VSTM5: variants seen among roughly 807,000 people sequenced by gnomAD.
VSTM5 encodes the protein V-set and transmembrane domain containing 5.
In VSTM5, 21 loss-of-function variants were observed where a neutral mutation model predicts 20.3. The observed-to-expected ratio is 1.03, with a 90% confidence interval of 0.73 to 1.49. The LOEUF (loss-of-function observed/expected upper bound fraction) is 1.49, where lower values mean the gene tolerates loss of function less well. VSTM5 is among the 40% of genes most tolerant of loss of function. VSTM5 has a pLI of 0.00. For missense variants in VSTM5, 219 were observed against 250.0 expected (o/e 0.88, Z 0.84); for synonymous variants, 100 against 102.5 (o/e 0.98, Z 0.14).
intron 1 of VSTM5, among the ~76,000 whole-genome samples, chr11:93,843,935 G>A (rs1944391753): frequency 6.6e-6 from 1 of 151,998 alleles, no homozygotes; most frequent in Non-Finnish European, 1.5e-5. Context: ...TCAGGTTCCT[G>A]CTCACTCTTC....
intron 1 of VSTM5, among the ~76,000 whole-genome samples, chr11:93,839,689 T>C (rs1380829327): frequency 2.0e-5 from 3 of 152,160 alleles, no homozygotes; most frequent in Admixed American, 6.5e-5. Flanking sequence ...CAGGTAAGGA[T>C]GGAATCTAGG....
chr11:93,836,579 TC>T (rs1944324881), intron 1 of VSTM5, among the ~76,000 whole-genome samples: 1 of 152,266 alleles, frequency 6.6e-6, no homozygotes, highest in African/African-American at 2.4e-5. Flanking sequence ...CTGTTAACCT[TC>T]ATTCATCCTT....
At chr11:93,827,677 T>C (rs1944249994) in intron 1 of VSTM5, 1 of 151,320 alleles carries the variant, frequency 6.6e-6, no homozygotes, top group African/African-American at 2.4e-5. Flanking sequence ...CAGTTACAGA[T>C]GAAACCCCTT....
chr11:93,849,798 C>T (rs986487877), intron 1 of VSTM5, among the ~76,000 whole-genome samples: 2 of 152,184 alleles, frequency 1.3e-5, no homozygotes, highest in African/African-American at 2.4e-5. Context: ...ATTCCGGGTC[C>T]GGCCATCCAA....
intron 1 of VSTM5, among the ~76,000 whole-genome samples, chr11:93,847,016 C>T (rs77063546): frequency 0.011 from 1,648 of 152,184 alleles, 17 homozygotes; most frequent in East Asian, 0.041. Context: ...CCGCCCGGCT[C>T]GGCCTCCCAA....
rs570042787 is a variant in VSTM5 at position 93,840,197 on chromosome 11, A to G, written c.91+10215T>C. On this transcript the variant is annotated intron_variant, in intron 1 of 3. Coordinates refer to ENST00000409977, the MANE Select transcript of VSTM5 (RefSeq NM_001144871.2). ...CCTTCTGTGGCTTTTATTTCCAGAA[A>G]TAATTGTCCTCAGTTTTCTGATTGA... 3.3e-5 allele frequency among the ~76,000 whole-genome samples: 5 copies of G among 152,362 alleles called. No individual in the cohort carries two copies. The South Asian group carries it at 8.3e-4, about 25-fold the overall frequency.
intron 1 of VSTM5, among the ~76,000 whole-genome samples, chr11:93,838,561 G>C (rs1449915822): frequency 6.6e-6 from 1 of 151,758 alleles, no homozygotes; most frequent in East Asian, 1.9e-4. Context: ...GGAGGCCGAG[G>C]TGGGCAGATC....
At position 93,820,828 on chromosome 11, in the gene VSTM5, A is replaced by G. The variant is rs1373196852; in HGVS notation, c.474T>C (p.Ala158=). Residue 158 remains alanine (A), a synonymous_variant, in exon 3 of 4, where the codon GCT becomes GCC. Transcript: ENST00000409977. Reference sequence around the variant, plus strand: ...TGAGGCTGATTAATACTGCGGCCACAGCAGCGAGAAAAGCAAGGATGACAG... The same window carrying G: ...TGAGGCTGATTAATACTGCGGCCACGGCAGCGAGAAAAGCAAGGATGACAG... ...FVAVILAFLA[A]VAAVLISLMW... is the part of the protein sequence containing the mutation. 2 of 1,551,052 alleles carry G rather than the reference A, an allele frequency of 1.3e-6. No homozygotes were observed. Among genetic ancestry groups the G allele is most frequent in the East Asian group, 4.9e-5 (2 of 40,916 alleles).
At chr11:93,841,697 C>T (rs1446406900) in intron 1 of VSTM5, among the ~76,000 whole-genome samples, 1 of 152,224 alleles carries the variant, frequency 6.6e-6, no homozygotes, top group East Asian at 1.9e-4. Flanking sequence ...CTCAGGGTCC[C>T]AGGAGGCCAG....
chr11:93,829,759 C>T (rs180803150), intron 1 of VSTM5, among the ~76,000 whole-genome samples: 68 of 152,262 alleles, frequency 4.5e-4, no homozygotes, highest in African/African-American at 1.5e-3. Flanking sequence ...CACTCTTGTT[C>T]CTGAGCTCAG....
At chr11:93,841,224 C>T (rs947035583) in intron 1 of VSTM5, among the ~76,000 whole-genome samples, 2 of 136,410 alleles carry the variant, frequency 1.5e-5, no homozygotes, top group Non-Finnish European at 3.2e-5. Flanking sequence ...ATCCTTCATC[C>T]AGGTAAGGGG....
Position 93,822,263 on chromosome 11 carries a change from A to C in VSTM5, c.92-940T>G, listed in dbSNP as rs147376905. Among the ~76,000 whole-genome samples, 18 of 152,098 alleles carry C rather than the reference A, an allele frequency of 1.2e-4. No individual in the cohort carries two copies. The East Asian group carries it at 3.3e-3, about 28-fold the overall frequency. Reference sequence around the variant, plus strand: ...CACCTGGCTAACTTTTTGTATTTTTAGTAGAGACAGGGTTTCACAATGTTG... The same window carrying C: ...CACCTGGCTAACTTTTTGTATTTTTCGTAGAGACAGGGTTTCACAATGTTG... On this transcript the variant is annotated intron_variant, in intron 1 of 3. Transcript: ENST00000409977.
rs556759505 is a variant in VSTM5 at position 93,847,412 on chromosome 11, C to G, written c.91+3000G>C. 7.9e-5 allele frequency among the ~76,000 whole-genome samples: 12 copies of G among 152,334 alleles called. No homozygotes were observed. The East Asian group carries it at 1.9e-3, about 25-fold the overall frequency. On this transcript the variant is annotated intron_variant, in intron 1 of 3. Coordinates refer to ENST00000409977, the MANE Select transcript of VSTM5 (RefSeq NM_001144871.2). ...TAAGCCCAGAACCCACAGCTCCATTCTGGCTGTGGCATCCCTGGGTCTGTC... is the reference window on the plus strand; with the variant it reads ...TAAGCCCAGAACCCACAGCTCCATTGTGGCTGTGGCATCCCTGGGTCTGTC...
intron 1 of VSTM5, among the ~76,000 whole-genome samples, chr11:93,835,042 G>A (rs1379475710): frequency 6.6e-6 from 1 of 152,094 alleles, no homozygotes; most frequent in African/African-American, 2.4e-5. Context: ...TGCTGACTCA[G>A]GACTCTATAG....
intron 1 of VSTM5, among the ~76,000 whole-genome samples, chr11:93,834,298 C>T (rs930878024): frequency 1.3e-5 from 2 of 152,168 alleles, no homozygotes; most frequent in African/African-American, 4.8e-5. Flanking sequence ...CCCACAGTTA[C>T]TATACAGGCT....
At position 93,830,406 on chromosome 11, in the gene VSTM5, G is replaced by A. The variant is rs142230557; in HGVS notation, c.92-9083C>T. ...ACCCTGTGCCAGCCTCTGAGAGAAG[G>A]GGTAGTAAGAAGTGGGCATGTGTAG... On this transcript the variant is annotated intron_variant, in intron 1 of 3. Transcript: ENST00000409977. 3.4e-3 allele frequency among the ~76,000 whole-genome samples: 511 copies of A among 152,322 alleles called. 3 individuals carry two copies. The highest frequency in any genetic ancestry group is 6.8e-3 in the Middle Eastern group (2 of 294).
intron 1 of VSTM5, among the ~76,000 whole-genome samples, chr11:93,828,396 G>A (rs139644521): frequency 6.6e-6 from 1 of 152,240 alleles, no homozygotes; most frequent in East Asian, 1.9e-4. Context: ...ACCGAGCAAT[G>A]GGCTAGAATA....
At chr11:93,845,373 C>T (rs1944405140) in intron 1 of VSTM5, among the ~76,000 whole-genome samples, 1 of 152,164 alleles carries the variant, frequency 6.6e-6, no homozygotes, top group Admixed American at 6.5e-5. Flanking sequence ...ACCTGAACTG[C>T]CCCAGGGTGT....
At chr11:93,837,011 G>GCACA (rs59949447) in intron 1 of VSTM5, among the ~76,000 whole-genome samples, 72,860 of 140,450 alleles carry the variant, frequency 0.52, 19,179 homozygotes, top group East Asian at 0.68. Context: ...AAAAAAAAAT[G>GCACA]CACACACACA....
Sources: gnomAD v4.1 joint callset for allele counts (sites outside exome capture counted in the v4.1 genomes callset) on GRCh38, gnomAD v4.1.1 for gene constraint, MANE v1.5 for transcripts, NCBI Gene and HGNC (gene_info 2026-07-23, HGNC 2026-07-21) for gene names.